The following TAF6L variants were observed in gnomAD, a reference collection of about 807,000 sequenced individuals.
TAF6L encodes TAF6-like RNA polymerase II p300/CBP-associated factor-associated factor 65 kDa subunit 6L.
In TAF6L, 34 loss-of-function variants were observed where a neutral mutation model predicts 57.3. The observed-to-expected ratio is 0.59, with a 90% confidence interval of 0.45 to 0.79. The LOEUF is 0.79. Among genes scored for constraint, TAF6L ranks in the 30% least tolerant of loss-of-function variants. The probability of loss-of-function intolerance (pLI) is 0.00; values close to 1 mark genes in which losing one functional copy is unlikely to be tolerated. For missense variants in TAF6L, 782 were observed against 853.2 expected, an observed-to-expected ratio of 0.92 and a Z score of 1.04; for synonymous variants, 417 against 376.3, an observed-to-expected ratio of 1.11 and a Z score of -1.25.
rs1249392636 is a variant in TAF6L, at chr11:62,778,057, G to A, written c.314G>A (p.Arg105Gln). ...GGTGAACTCTACTTTCCTGAGGATC[G>A]AGAGGTGAACCTGGTGGAGCTGGCC... ...REGELYFPED[R>Q]EVNLVELALA... The change falls in exon 4 of 11, where the codon CGA becomes CAA. Residue 105 changes from arginine to glutamine, a missense_variant. Transcript: ENST00000294168. 5 of 1,613,994 alleles carry A rather than the reference G, an allele frequency of 3.1e-6. No individual in the cohort carries two copies. Among genetic ancestry groups the A allele is most frequent in the East Asian group, 2.2e-5 (1 of 44,882 alleles).
In TAF6L at chr11:62,786,984, T is replaced by C. The variant is rs1000081793; in HGVS notation, c.1557T>C (p.Ser519=). ...CGTCGGCCTCTGGGCCCGCCGCCTCTGAGAGCAGGCCCTTGCCGCGCGTGC... is the reference window on the plus strand; with the variant it reads ...CGTCGGCCTCTGGGCCCGCCGCCTCCGAGAGCAGGCCCTTGCCGCGCGTGC... ...GPASASGPAA[S]ESRPLPRVHR... The change falls in exon 11 of 11, where the codon TCT becomes TCC. Residue 519 remains serine (S), a synonymous_variant. Coordinates refer to ENST00000294168, the MANE Select transcript of TAF6L (RefSeq NM_006473.4). 1 of 1,455,898 alleles carries C rather than the reference T, an allele frequency of 6.9e-7. No individual in the cohort carries two copies. The highest frequency in any genetic ancestry group is 9.0e-7 in the Non-Finnish European group (1 of 1,115,790). The allele number at this position is 1,455,898 out of a possible 1,614,324, so 90.2% of individuals were successfully genotyped here. A position where few individuals can be genotyped will look rare whatever the true frequency, so the allele number is the denominator to read the frequency against.
rs750399757 is a variant in TAF6L at position 62,787,336 on chromosome 11, C to T, written c.*40C>T. ...CGTTCCTTGTAAATAAATCCCGCCC[C>T]CGGAAATGACGTCTCCACCTTCGTG... On this transcript the variant is annotated 3_prime_UTR_variant, in exon 11 of 11. Coordinates refer to ENST00000294168, the MANE Select transcript of TAF6L (RefSeq NM_006473.4). The T allele has an allele frequency of 1.6e-4, 246 of 1,523,744 alleles. No homozygotes were observed. The highest frequency in any genetic ancestry group is 2.1e-4 in the Non-Finnish European group (245 of 1,142,518). 94.4% of individuals were successfully genotyped at this position (1,523,744 alleles called of 1,614,324 possible). A position where few individuals can be genotyped will look rare whatever the true frequency, so the allele number is the denominator to read the frequency against.
At position 62,775,930 on chromosome 11, in the gene TAF6L, G is replaced by T; in HGVS notation, c.147G>T (p.Gln49His). The T allele has an allele frequency of 6.2e-7, 1 of 1,604,774 alleles. No homozygotes were observed. Among genetic ancestry groups the T allele is most frequent in the African/African-American group, 1.3e-5 (1 of 74,790 alleles). The change falls in exon 2 of 11, where the codon CAG becomes CAT. Residue 49 changes from glutamine to histidine, a missense_variant and splice_region_variant. Transcript: ENST00000294168. The stretch of plus-strand genomic sequence containing the variant: ...GCTATCGTCTGAGAGAGGCCACGCA[G>T]GTACACTCCCCTCACCCCCTGATAC... Reference protein sequence around the residue: ...DVCYRLREATQNSSQFMKHTK... With the variant: ...DVCYRLREATHNSSQFMKHTK...
Position 62,787,264 on chromosome 11 carries a change from C to T in TAF6L, c.1837C>T (p.Leu613Phe). The T allele has an allele frequency of 6.4e-7, 1 of 1,564,202 alleles. No homozygotes were observed. Among genetic ancestry groups the T allele is most frequent in the Admixed American group, 1.8e-5 (1 of 54,868 alleles). The change falls in exon 11 of 11, where the codon CTC (leucine) becomes TTC (phenylalanine). Residue 613 changes from leucine to phenylalanine, a missense_variant. By Grantham distance (22) the Leu-to-Phe change is conservative. Transcript: ENST00000294168. ...CAGCCGCCCCGCCCGCCGGTGGGCGCTCTCGGACTACTCGCTGTACTTGCC... is the reference window on the plus strand; with the variant it reads ...CAGCCGCCCCGCCCGCCGGTGGGCGTTCTCGGACTACTCGCTGTACTTGCC... The part of the protein sequence containing the change: ...RTSRPARRWA[L>F]SDYSLYLPL
chr11:62,786,449 A>G, intron 10 of TAF6L, 61 bp downstream of exon 10: 4 of 1,596,290 alleles, frequency 2.5e-6, no homozygotes, highest in Admixed American at 1.7e-5. Context: ...AAGCAGGCTT[A>G]CTTTGGAATA....
In TAF6L at chr11:62,786,685, C is replaced by G; in HGVS notation, c.1258C>G (p.Pro420Ala). The G allele has an allele frequency of 6.2e-7, 1 of 1,612,256 alleles. No individual in the cohort carries two copies. Among genetic ancestry groups the G allele is most frequent in the Non-Finnish European group, 8.5e-7 (1 of 1,179,350 alleles). ...AGAACCCAGCTTTGGGTCCGGCCTC[C>G]CGCTGCCGCCAGGGGGCGCGGGGCC... ...GAEPSFGSGLPLPPGGAGPED... is the reference protein window; with the variant it reads ...GAEPSFGSGLALPPGGAGPED... The change falls in exon 11 of 11, where the codon CCG becomes GCG. Residue 420 changes from proline (P) to alanine (A), a missense_variant. Physicochemically the swap from Pro to Ala is conservative, Grantham distance 27. Around this residue, in one of 3 missense-constraint regions of TAF6L, gnomAD observed 483 missense variants for 445.1 expected, o/e 1.09. Transcript: ENST00000294168.
At chr11:62,774,197 C>T (rs2084169213) in intron 1 of TAF6L, among the ~76,000 whole-genome samples, 1 of 152,022 alleles carries the variant, frequency 6.6e-6, no homozygotes, top group Admixed American at 6.5e-5. Context: ...CTGCCTCAGC[C>T]TCCCGAGTAG....
In TAF6L at chr11:62,787,256, G is replaced by A; in HGVS notation, c.1829G>A (p.Arg610Gln). 3 of 1,566,510 alleles carry A rather than the reference G, an allele frequency of 1.9e-6. No homozygotes were observed. Among genetic ancestry groups the A allele is most frequent in the East Asian group, 4.7e-5 (2 of 42,812 alleles). Residue 610 changes from arginine to glutamine, a missense_variant, in exon 11 of 11, where the codon CGG becomes CAG. Arg to Gln is a conservative substitution (Grantham distance 43). Coordinates refer to ENST00000294168, the MANE Select transcript of TAF6L (RefSeq NM_006473.4). ...MIGRTSRPAR[R>Q]WALSDYSLYL... is the part of the protein sequence containing the mutation. ...GGCCGTACCAGCCGCCCCGCCCGCC[G>A]GTGGGCGCTCTCGGACTACTCGCTG...
rs1554996873 is a variant in TAF6L at position 62,779,952 on chromosome 11, C to CTACATATATATATATATATA, written c.531+991_531+992insCATATATATATATATATATA. On this transcript the variant is annotated intron_variant, in intron 6 of 10. Transcript: ENST00000294168. Reference sequence around the variant, plus strand: ...AAGTGGTGGGATTACAGGCGTGAGCCTATATATATATATATATATATATAT... The same window carrying CTACATATATATATATATATA: ...AAGTGGTGGGATTACAGGCGTGAGCCTACATATATATATATATATATATATATATATATATATATATATAT... 1.7e-4 allele frequency among the ~76,000 whole-genome samples: 17 copies of CTACATATATATATATATATA among 100,050 alleles called. 1 individual carries two copies. The highest frequency in any genetic ancestry group is 9.0e-4 in the East Asian group (3 of 3,320). 65.6% of individuals were successfully genotyped at this position (100,050 alleles called of 152,430 possible).
At chr11:62,779,598 T>C (rs530589109) in intron 6 of TAF6L, among the ~76,000 whole-genome samples, 1 of 152,062 alleles carries the variant, frequency 6.6e-6, no homozygotes, top group South Asian at 2.1e-4. Context: ...AGTGTTGGGA[T>C]GACAGGTGTG....
intron 9 of TAF6L, among the ~76,000 whole-genome samples, chr11:62,785,628 G>A (rs763907490): frequency 2.0e-5 from 3 of 150,144 alleles, no homozygotes; most frequent in African/African-American, 4.9e-5. Context: ...TCTGCCCCCC[G>A]AGTTCAAGTG....
Position 62,778,015 on chromosome 11 carries a change from T to G in TAF6L, c.272T>G (p.Met91Arg). The part of the protein sequence containing the change: ...CGYGSQEALP[M>R]RPAREGELYF... Reference sequence around the variant, plus strand: ...TACGGATCACAGGAGGCACTGCCCATGCGCCCCGCCAGGGAGGGTGAACTC... The same window carrying G: ...TACGGATCACAGGAGGCACTGCCCAGGCGCCCCGCCAGGGAGGGTGAACTC... Residue 91 changes from methionine (M) to arginine (R), a missense_variant, in exon 4 of 11, where the codon ATG becomes AGG. Physicochemically the swap from Met to Arg is moderately conservative, Grantham distance 91. Transcript: ENST00000294168. 1.2e-6 allele frequency: 2 copies of G among 1,614,196 alleles called. No homozygotes were observed. Among genetic ancestry groups the G allele is most frequent in the Non-Finnish European group, 1.7e-6 (2 of 1,180,032 alleles).
At chr11:62,776,301 C>G in intron 2 of TAF6L, 83 bp from the exon 3 acceptor site, 1 of 1,411,302 alleles carries the variant, frequency 7.1e-7, no homozygotes, top group Non-Finnish European at 1.0e-6. Flanking sequence ...TGCCTTCTCT[C>G]CAGTCTGGCC....
At position 62,781,985 on chromosome 11, in the gene TAF6L, G is replaced by A. The variant is rs767333499; in HGVS notation, c.606+17G>A. The A allele has an allele frequency of 6.2e-7, 1 of 1,613,436 alleles. No homozygotes were observed. Among genetic ancestry groups the A allele is most frequent in the South Asian group, 1.1e-5 (1 of 90,996 alleles). On this transcript the variant is annotated intron_variant, in intron 7 of 10. Coordinates refer to ENST00000294168, the MANE Select transcript of TAF6L (RefSeq NM_006473.4). ...GTCAGTGGGGTAAGTGACCAGGCTG[G>A]GACAGGGAGAATGTTTTATAAGGAA...
intron 9 of TAF6L, chr11:62,785,996 A>G: frequency 3.0e-6 from 1 of 335,164 alleles, no homozygotes; most frequent in Non-Finnish European, 5.6e-6. Flanking sequence ...GTTGTCAGTA[A>G]TGAGCATTAT....
At chr11:62,779,968 ATATATATATT>A (rs2084215400) in intron 6 of TAF6L, among the ~76,000 whole-genome samples, 1 of 66,636 alleles carries the variant, frequency 1.5e-5, no homozygotes, top group African/African-American at 4.4e-5. Flanking sequence ...ATATATATAT[ATATATATATT>A]TTTTTTTTTT....
At chr11:62,773,757 T>TA (rs1251688828) in intron 1 of TAF6L, among the ~76,000 whole-genome samples, 5 of 152,156 alleles carry the variant, frequency 3.3e-5, no homozygotes, top group African/African-American at 1.2e-4. Context: ...TACAAATTCT[T>TA]ACGACTGGTT....
At position 62,787,328 on chromosome 11, in the gene TAF6L, T is replaced by TC. The variant is rs1565192046; in HGVS notation, c.*35dup. ...GGCCCCTTCGTTCCTTGTAAATAAA[T>TC]CCCGCCCCCGGAAATGACGTCTCCA... On this transcript the variant is annotated 3_prime_UTR_variant, in exon 11 of 11. Transcript: ENST00000294168. 1.3e-6 allele frequency: 2 copies of TC among 1,523,342 alleles called. No homozygotes were observed. The highest frequency in any genetic ancestry group is 1.8e-6 in the Non-Finnish European group (2 of 1,142,094). The allele number at this position is 1,523,342 out of a possible 1,614,324, so 94.4% of individuals were successfully genotyped here.
At chr11:62,774,775 C>T (rs949430978) in intron 1 of TAF6L, 1 of 368,612 alleles carries the variant, frequency 2.7e-6, no homozygotes, top group Admixed American at 2.8e-5. Context: ...ATGGCGAAAT[C>T]TTGTTTCTAC....
Sources: gnomAD v4.1 joint callset for allele counts (sites outside exome capture counted in the v4.1 genomes callset) on GRCh38, gnomAD v4.1.1 for gene constraint, gnomAD v4.1.1 regional missense constraint, MANE v1.5 for transcripts, NCBI Gene and HGNC (gene_info 2026-07-23, HGNC 2026-07-21) for gene names.